Variants in GALK2 observed in about 807,000 individuals in gnomAD.
GALK2 encodes the protein N-acetylgalactosamine kinase.
A neutral mutation model predicts 52.4 loss-of-function variants in GALK2; 36 were observed. The observed-to-expected ratio is 0.69, with a 90% confidence interval of 0.53 to 0.91. The LOEUF is 0.91. Ranked by LOEUF, GALK2 falls within the 40% of genes least tolerant of loss-of-function variation. The pLI, the probability that GALK2 is intolerant of heterozygous loss-of-function variation, is 0.00. For synonymous variants in GALK2, 176 were observed against 199.1 expected, an observed-to-expected ratio of 0.88 and a Z score of 0.98; for missense variants, 579 against 559.1, an observed-to-expected ratio of 1.04 and a Z score of -0.36.
chr15:49,285,251 C>T (rs1272364356), intron 7 of GALK2, among the ~76,000 whole-genome samples: 5 of 152,138 alleles, frequency 3.3e-5, no homozygotes, highest in African/African-American at 4.8e-5. Context: ...ACCAGTCTTT[C>T]CCTCTTGAAA....
chr15:49,358,724 T>G (rs536179095), intron 3 of GALK2, among the ~76,000 whole-genome samples: 1 of 151,646 alleles, frequency 6.6e-6, no homozygotes, highest in Non-Finnish European at 1.5e-5. Flanking sequence ...CTTCACAGAA[T>G]TGGAAAAAAC....
intron 3 of GALK2, among the ~76,000 whole-genome samples, chr15:49,362,541 G>A (rs943405422): frequency 6.6e-6 from 1 of 152,122 alleles, no homozygotes; most frequent in African/African-American, 2.4e-5. Context: ...CACATGCATA[G>A]TTTGCAAATA....
At chr15:49,261,550 A>G (rs2092110655) in intron 5 of GALK2, among the ~76,000 whole-genome samples, 1 of 152,062 alleles carries the variant, frequency 6.6e-6, no homozygotes, top group Non-Finnish European at 1.5e-5. Context: ...CTGATTGAAT[A>G]CCCTTTATTT....
intron 1 of GALK2, among the ~76,000 whole-genome samples, chr15:49,186,120 C>A (rs2086318385): frequency 6.6e-6 from 1 of 152,014 alleles, no homozygotes; most frequent in South Asian, 2.1e-4. Context: ...GTTCCATAAC[C>A]TTCTTGTACT....
At chr15:49,243,367 A>G (rs1344462278) in intron 5 of GALK2, among the ~76,000 whole-genome samples, 1 of 152,064 alleles carries the variant, frequency 6.6e-6, no homozygotes, top group Non-Finnish European at 1.5e-5. Flanking sequence ...TCTGGTCATT[A>G]CTGGCACACT....
intron 3 of GALK2, among the ~76,000 whole-genome samples, chr15:49,230,199 T>G (rs1027876096): frequency 6.6e-6 from 1 of 152,106 alleles, no homozygotes; most frequent in Non-Finnish European, 1.5e-5. Flanking sequence ...TGCAAGTTGC[T>G]TAAGACTTGG....
intron 8 of GALK2, among the ~76,000 whole-genome samples, chr15:49,314,244 A>G (rs912016840): frequency 2.0e-5 from 3 of 152,236 alleles, no homozygotes; most frequent in African/African-American, 7.2e-5. Flanking sequence ...AACTGTTTAC[A>G]ATTATCCATT....
chr15:49,342,334 A>G (rs1057085765), intron 3 of GALK2, among the ~76,000 whole-genome samples: 3 of 152,154 alleles, frequency 2.0e-5, no homozygotes, highest in African/African-American at 7.2e-5. Context: ...TTTATCTGGT[A>G]TAAGAATAGT....
intron 9 of GALK2, chr15:49,327,736 A>C: frequency 2.4e-6 from 1 of 421,114 alleles, no homozygotes; most frequent in South Asian, 5.4e-5. Context: ...ACTTGGAGTC[A>C]AAACCAGGGA....
At chr15:49,196,553 C>A (rs1392613439) in intron 1 of GALK2, among the ~76,000 whole-genome samples, 4 of 152,032 alleles carry the variant, frequency 2.6e-5, no homozygotes, top group African/African-American at 4.8e-5. Context: ...TGTGAATGTT[C>A]CATGTACTCT....
intron 1 of GALK2, among the ~76,000 whole-genome samples, chr15:49,161,585 T>C (rs1285587727): frequency 6.6e-6 from 1 of 152,200 alleles, no homozygotes; most frequent in Non-Finnish European, 1.5e-5. Flanking sequence ...CATGCTGCCC[T>C]TGTTGAAAGT....
chr15:49,225,787 T>G (rs1213763637), intron 3 of GALK2, among the ~76,000 whole-genome samples: 1 of 152,242 alleles, frequency 6.6e-6, no homozygotes, highest in Admixed American at 6.5e-5. Context: ...CTGTTGGGAC[T>G]GGCCCACAGC....
intron 1 of GALK2, among the ~76,000 whole-genome samples, chr15:49,184,386 G>C (rs1227146487): frequency 6.6e-6 from 1 of 151,966 alleles, no homozygotes; most frequent in Non-Finnish European, 1.5e-5. Context: ...TTTGTTGCTT[G>C]TAGGCAACAG....
intron 3 of GALK2, among the ~76,000 whole-genome samples, chr15:49,226,973 G>A (rs1035049521): frequency 1.3e-5 from 2 of 152,142 alleles, no homozygotes; most frequent in Admixed American, 6.5e-5. Flanking sequence ...GTTTTATTCT[G>A]TTGTATCTAA....
At chr15:49,221,991 G>C (rs749521292) in intron 3 of GALK2, among the ~76,000 whole-genome samples, 21 of 151,968 alleles carry the variant, frequency 1.4e-4, no homozygotes, top group Non-Finnish European at 2.6e-4. Context: ...GACTGCTTTG[G>C]GCAGTATGTT....
At chr15:49,217,402 G>A (rs1203371599) in intron 3 of GALK2, 89 bp downstream of exon 3, 7 of 1,230,852 alleles carry the variant, frequency 5.7e-6, no homozygotes, top group Non-Finnish European at 7.8e-6. Context: ...TTTGTAACAG[G>A]TCATTTAACT....
At chr15:49,291,718 C>T (rs1595985595) in intron 7 of GALK2, among the ~76,000 whole-genome samples, 2 of 152,268 alleles carry the variant, frequency 1.3e-5, no homozygotes, top group East Asian at 3.9e-4. Context: ...AGTTAGAAGC[C>T]AAACTCTTTT....
chr15:49,335,183 C>T (rs567432806), downstream of GALK2, among the ~76,000 whole-genome samples: 5 of 152,254 alleles, frequency 3.3e-5, no homozygotes, highest in African/African-American at 1.2e-4. Context: ...GGGGTGCACC[C>T]CTCCAGTCAC....
upstream of GALK2, among the ~76,000 whole-genome samples, chr15:49,168,365 A>C (rs760163348): frequency 6.6e-6 from 1 of 152,112 alleles, no homozygotes; most frequent in African/African-American, 2.4e-5. Flanking sequence ...AAAATTCAAA[A>C]CTTTAAAATT....
Sources: gnomAD v4.1 joint callset for allele counts (sites outside exome capture counted in the v4.1 genomes callset) on GRCh38, gnomAD v4.1.1 for gene constraint, MANE v1.5 for transcripts, NCBI Gene and HGNC (gene_info 2026-07-23, HGNC 2026-07-21) for gene names.